Variants in SLC26A4 observed in about 807,000 individuals in gnomAD.
SLC26A4 encodes the protein solute carrier family 26 member 4, also known as pendrin.
In SLC26A4, 93 loss-of-function variants were observed where a neutral mutation model predicts 90.4. That is an observed-to-expected ratio of 1.03 (90% CI 0.87 to 1.22). The LOEUF (loss-of-function observed/expected upper bound fraction) is 1.22. Ranked by LOEUF, SLC26A4 falls within the 50% of genes most tolerant of loss-of-function variation. The pLI is 0.00. For synonymous variants in SLC26A4, 393 were observed against 354.6 expected, an observed-to-expected ratio of 1.11 and a Z score of -1.22; for missense variants, 1,127 against 946.2, an observed-to-expected ratio of 1.19 and a Z score of -2.51.
At chr7:107,663,904 C>T (rs1256414419) in intron 3 of SLC26A4, among the ~76,000 whole-genome samples, 2 of 152,124 alleles carry the variant, frequency 1.3e-5, no homozygotes, top group African/African-American at 2.4e-5. Context: ...AGGATGGTAT[C>T]GACCTCCTGA....
At chr7:107,706,325 G>A (rs1398564314) in intron 18 of SLC26A4, among the ~76,000 whole-genome samples, 1 of 152,196 alleles carries the variant, frequency 6.6e-6, no homozygotes, top group Non-Finnish European at 1.5e-5. Context: ...TTGCTTGCCT[G>A]TGAGCCCAGC....
rs1230177058 is a variant in SLC26A4 at position 107,694,258 on chromosome 7, T to C, written c.1264-145T>C. The stretch of plus-strand genomic sequence containing the variant: ...TGTGGCTTGAGCAAATAACTATCAC[T>C]TTTCTCGACAGTATTGAGCAGAAGG... On this transcript the variant is annotated intron_variant, in intron 10 of 20. Coordinates refer to ENST00000644269, the MANE Select transcript of SLC26A4 (RefSeq NM_000441.2). 5 of 716,808 alleles carry C rather than the reference T, an allele frequency of 7.0e-6. No homozygotes were observed. In the East Asian group the frequency reaches 8.1e-5, roughly 12 times the overall value. The allele number at this position is 716,808 out of a possible 1,614,324, so 44.4% of individuals were successfully genotyped here. A position where few individuals can be genotyped will look rare whatever the true frequency, so the allele number is the denominator to read the frequency against.
In SLC26A4 at chr7:107,709,988, G is replaced by C. The variant is rs892811673; in HGVS notation, c.2090-66G>C. On this transcript the variant is annotated intron_variant, in intron 18 of 20. Coordinates refer to ENST00000644269, the MANE Select transcript of SLC26A4 (RefSeq NM_000441.2). ...AGCCTGGGCAATAGAATGAGACTCT[G>C]TCTCAAAAACAAACAAAAATTTCTT... 12 of 1,392,446 alleles carry C rather than the reference G, an allele frequency of 8.6e-6. No individual in the cohort carries two copies. In the African/African-American group the frequency reaches 1.6e-4, roughly 19 times the overall value. The allele number at this position is 1,392,446 out of a possible 1,614,324, so 86.3% of individuals were successfully genotyped here. A position where few individuals can be genotyped will look rare whatever the true frequency, so the allele number is the denominator to read the frequency against.
chr7:107,670,840 G>T (rs914194735), intron 3 of SLC26A4, among the ~76,000 whole-genome samples: 1 of 152,012 alleles, frequency 6.6e-6, no homozygotes, highest in Non-Finnish European at 1.5e-5. Context: ...TTTAACCAAG[G>T]AAAAGAATGT....
At chr7:107,677,805 C>A (rs563953806) in intron 6 of SLC26A4, among the ~76,000 whole-genome samples, 1 of 151,976 alleles carries the variant, frequency 6.6e-6, no homozygotes, top group African/African-American at 2.4e-5. Flanking sequence ...TTAGTAGAGG[C>A]AATGTCTTGC....
At chr7:107,694,995 A>T (rs1187271415) in intron 12 of SLC26A4, among the ~76,000 whole-genome samples, 2 of 152,238 alleles carry the variant, frequency 1.3e-5, no homozygotes, top group Non-Finnish European at 2.9e-5. Flanking sequence ...AAGCAAAAAA[A>T]TGTTTAAACA....
intron 6 of SLC26A4, among the ~76,000 whole-genome samples, chr7:107,680,289 T>C (rs1408853152): frequency 1.0e-5 from 1 of 98,296 alleles, no homozygotes; most frequent in African/African-American, 4.2e-5. Flanking sequence ...TATAATCTTA[T>C]CTTATTATAT....
intron 3 of SLC26A4, among the ~76,000 whole-genome samples, chr7:107,664,174 T>A (rs1478077224): frequency 1.3e-5 from 2 of 152,278 alleles, no homozygotes; most frequent in African/African-American, 4.8e-5. Context: ...TTTTAAATGA[T>A]GATTGCAGCA....
intron 18 of SLC26A4, among the ~76,000 whole-genome samples, chr7:107,708,867 G>A (rs1164396676): frequency 6.6e-6 from 1 of 152,172 alleles, no homozygotes; most frequent in Non-Finnish European, 1.5e-5. Context: ...GGAGAGCAAA[G>A]CTGGAGATTA....
At chr7:107,691,542 C>CAT (rs1791578314) in intron 10 of SLC26A4, among the ~76,000 whole-genome samples, 1 of 84,892 alleles carries the variant, frequency 1.2e-5, no homozygotes, top group Non-Finnish European at 2.5e-5. Flanking sequence ...CACACACACA[C>CAT]ACAAACATAT....
intron 3 of SLC26A4, 140 bp downstream of exon 3, chr7:107,663,575 C>G: frequency 4.5e-6 from 4 of 896,006 alleles, no homozygotes; most frequent in Non-Finnish European, 5.5e-6. Flanking sequence ...TGGAGAGAGT[C>G]ACCTCTCTTC....
rs775256637 is a variant in SLC26A4, at chr7:107,701,102, T to C, written c.1709T>C (p.Val570Ala). ...DGFKKCIKSTVGFDAIRVYNK... is the reference protein window; with the variant it reads ...DGFKKCIKSTAGFDAIRVYNK... ...GTAACTTGACATTTATTTCCAAAGG[T>C]TGGATTTGATGCCATTAGAGTATAT... Residue 570 changes from valine to alanine, a missense_variant and splice_region_variant, in exon 16 of 21, where the codon GTT (valine) becomes GCT (alanine). Val to Ala is a moderately conservative substitution (Grantham distance 64, BLOSUM62 0). Transcript: ENST00000644269. 2.5e-6 allele frequency: 4 copies of C among 1,588,924 alleles called. No homozygotes were observed. The Admixed American group carries it at 6.7e-5, about 27-fold the overall frequency.
intron 19 of SLC26A4, among the ~76,000 whole-genome samples, chr7:107,712,219 C>T (rs1173140962): frequency 6.6e-6 from 1 of 152,248 alleles, no homozygotes; most frequent in East Asian, 1.9e-4. Context: ...TTAGCTTAGC[C>T]ATTGAGAGAT....
In SLC26A4 at chr7:107,694,623, G is replaced by C. The variant is rs768687579; in HGVS notation, c.1344G>C (p.Ser448=). The change falls in exon 12 of 21, where the codon TCG becomes TCC. Residue 448 remains serine, a splice_region_variant and synonymous_variant. Coordinates refer to ENST00000644269, the MANE Select transcript of SLC26A4 (RefSeq NM_000441.2). The part of the protein sequence containing the change: ...LGKLLEPLQK[S]VLAAVVIANL... ...GCCTTCTCTGTCTCTCTTGGCAGTC[G>C]GTCTTGGCAGCTGTTGTAATTGCCA... The C allele has an allele frequency of 1.2e-6, 2 of 1,610,824 alleles. No homozygotes were observed. Among genetic ancestry groups the C allele is most frequent in the Admixed American group, 1.7e-5 (1 of 59,988 alleles).
rs570988153 is a variant in SLC26A4, at chr7:107,663,027, G to T, written c.165-269G>T. Among the ~76,000 whole-genome samples, 14 of 152,284 alleles carry T rather than the reference G, an allele frequency of 9.2e-5. No individual in the cohort carries two copies. In the South Asian group the frequency reaches 2.7e-3, roughly 29 times the overall value. Reference sequence around the variant, plus strand: ...TGGCTGGACCAGAAAATAGGTTTTTGTGTAGGAATATTTTTTCAGAGGATT... The same window carrying T: ...TGGCTGGACCAGAAAATAGGTTTTTTTGTAGGAATATTTTTTCAGAGGATT... On this transcript the variant is annotated intron_variant, in intron 2 of 20. Coordinates refer to ENST00000644269, the MANE Select transcript of SLC26A4 (RefSeq NM_000441.2).
intron 15 of SLC26A4, among the ~76,000 whole-genome samples, chr7:107,700,450 A>G (rs1791856962): frequency 6.6e-6 from 1 of 152,230 alleles, no homozygotes; most frequent in South Asian, 2.1e-4. Context: ...AGTTTCAAAT[A>G]AGTAGTATAG....
intron 17 of SLC26A4, among the ~76,000 whole-genome samples, chr7:107,704,110 G>A (rs879433713): frequency 1.6e-4 from 25 of 152,160 alleles, no homozygotes; most frequent in Admixed American, 5.9e-4. Flanking sequence ...ATCAAGTGCT[G>A]TGCTATTGAG....
At chr7:107,693,278 T>C (rs1362097407) in intron 10 of SLC26A4, 3 of 984,936 alleles carry the variant, frequency 3.0e-6, no homozygotes, top group Non-Finnish European at 2.4e-6. Flanking sequence ...AGGAAGAGCA[T>C]AGAAAAGCCA....
rs111033193 is a variant in SLC26A4 at position 107,698,111 on chromosome 7, C to T, written c.1614C>T (p.Asn538=). The change falls in exon 14 of 21, where the codon AAC becomes AAT. Residue 538 remains asparagine, a splice_region_variant and synonymous_variant. Coordinates refer to ENST00000644269, the MANE Select transcript of SLC26A4 (RefSeq NM_000441.2). ...ACAAAAGTACCAAGAATTACAAAAA[C>T]GTAAGTACCTTTGTGAGACATTTGC... ...DIYKSTKNYK[N]IEEPQGVKIL... The T allele has an allele frequency of 1.4e-4, 215 of 1,591,912 alleles. No individual in the cohort carries two copies. In the African/African-American group the frequency reaches 2.3e-3, roughly 17 times the overall value.
Sources: gnomAD v4.1 joint callset for allele counts (sites outside exome capture counted in the v4.1 genomes callset) on GRCh38, gnomAD v4.1.1 for gene constraint, MANE v1.5 for transcripts, NCBI Gene and HGNC (gene_info 2026-07-23, HGNC 2026-07-21) for gene names.